UNC13B: variants seen among roughly 807,000 people sequenced by gnomAD.
UNC13B encodes unc-13 homolog B.
A neutral mutation model predicts 211.0 loss-of-function variants in UNC13B; 144 were observed. That is an observed-to-expected ratio of 0.68 (90% CI 0.60 to 0.78). The LOEUF (loss-of-function observed/expected upper bound fraction) is 0.78. Ranked by LOEUF, UNC13B falls within the 30% of genes least tolerant of loss-of-function variation. The pLI is 0.00. For synonymous variants in UNC13B, 709 were observed against 725.8 expected, an observed-to-expected ratio of 0.98 and a Z score of 0.37; for missense variants, 1,777 against 2,002.0, an observed-to-expected ratio of 0.89 and a Z score of 2.14.
intron 11 of UNC13B, chr9:35,351,682 G>T: frequency 1.6e-6 from 2 of 1,232,282 alleles, no homozygotes; most frequent in Non-Finnish European, 2.0e-6. Flanking sequence ...ACAACTCCCT[G>T]CCCCCTTGCT....
chr9:35,200,681 AT>A (rs1343203509), intron 1 of UNC13B, among the ~76,000 whole-genome samples: 1 of 152,096 alleles, frequency 6.6e-6, no homozygotes. Flanking sequence ...TTGCACATTG[AT>A]TTTGTATCCT....
chr9:35,402,085 C>A, intron 37 of UNC13B: 1 of 1,390,452 alleles, frequency 7.2e-7, no homozygotes, highest in Non-Finnish European at 9.9e-7. Flanking sequence ...GCAACTCGTG[C>A]TGGGGGTGGG....
chr9:35,272,249 T>G (rs1377109168), intron 7 of UNC13B, among the ~76,000 whole-genome samples: 17 of 150,532 alleles, frequency 1.1e-4, no homozygotes, highest in Non-Finnish European at 2.2e-4. Flanking sequence ...TTTTTTTTGT[T>G]TTTTTTTGTT....
chr9:35,188,101 C>T (rs957456747), intron 1 of UNC13B, among the ~76,000 whole-genome samples: 1 of 152,206 alleles, frequency 6.6e-6, no homozygotes, highest in Non-Finnish European at 1.5e-5. Flanking sequence ...TTTGCTTTAG[C>T]TTTGTGAGTG....
At chr9:35,278,371 G>A (rs1381471016) in intron 7 of UNC13B, among the ~76,000 whole-genome samples, 1 of 152,144 alleles carries the variant, frequency 6.6e-6, no homozygotes, top group Non-Finnish European at 1.5e-5. Flanking sequence ...TTGCTGTGAT[G>A]GAAGACCTGT....
chr9:35,217,870 C>T (rs890358805), intron 1 of UNC13B, among the ~76,000 whole-genome samples: 5 of 151,956 alleles, frequency 3.3e-5, no homozygotes, highest in African/African-American at 1.2e-4. Context: ...ATAATGAGAC[C>T]TTGTCTCTAT....
intron 7 of UNC13B, among the ~76,000 whole-genome samples, chr9:35,261,528 A>C (rs1470789455): frequency 6.6e-5 from 10 of 152,112 alleles, no homozygotes; most frequent in Admixed American, 2.6e-4. Flanking sequence ...ATACATGAGT[A>C]TTTTGATACG....
At chr9:35,352,189 G>A (rs1190406482) in intron 11 of UNC13B, 3 of 1,232,046 alleles carry the variant, frequency 2.4e-6, no homozygotes, top group South Asian at 4.1e-5. Flanking sequence ...AAGCCATTCT[G>A]TATTTGTACG....
intron 1 of UNC13B, among the ~76,000 whole-genome samples, chr9:35,206,661 G>A (rs920730040): frequency 6.6e-6 from 1 of 152,048 alleles, no homozygotes; most frequent in African/African-American, 2.4e-5. Context: ...GGATCACGAG[G>A]TCAAGAGATC....
chr9:35,343,848 A>G (rs774567524), intron 11 of UNC13B, among the ~76,000 whole-genome samples: 17 of 151,920 alleles, frequency 1.1e-4, no homozygotes, highest in Non-Finnish European at 1.8e-4. Flanking sequence ...AACATAAGAT[A>G]CATACTAGAT....
At chr9:35,209,692 A>G (rs1564069500) in intron 1 of UNC13B, among the ~76,000 whole-genome samples, 1 of 152,236 alleles carries the variant, frequency 6.6e-6, no homozygotes. Context: ...AGGAATCTTG[A>G]GAAAACTTGG....
chr9:35,227,919 C>A, intron 1 of UNC13B, 96 bp from the exon 2 acceptor site: 1 of 1,017,832 alleles, frequency 9.8e-7, no homozygotes, highest in Non-Finnish European at 1.5e-6. Context: ...CAATCTAAAC[C>A]TAGTTCTAAC....
In UNC13B at chr9:35,396,330, G is replaced by A. The variant is rs542311229; in HGVS notation, c.11309-146G>A. On this transcript the variant is annotated intron_variant, in intron 26 of 39. Coordinates refer to ENST00000635942, the MANE Select transcript of UNC13B (RefSeq NM_001371189.2). ...TTGCTGAGCAGAACACTGTTGGGGA[G>A]AGATGGCTGTGAGAAGGAGGTTGGG... 2.2e-5 allele frequency: 21 copies of A among 969,086 alleles called. No homozygotes were observed. The East Asian group carries it at 3.6e-4, about 17-fold the overall frequency. The allele number at this position is 969,086 out of a possible 1,614,324, so 60.0% of individuals were successfully genotyped here.
chr9:35,213,993 C>A (rs1255036577), intron 1 of UNC13B, among the ~76,000 whole-genome samples: 1 of 152,070 alleles, frequency 6.6e-6, no homozygotes, highest in Non-Finnish European at 1.5e-5. Flanking sequence ...AAATAGCCAA[C>A]CAGAGTGTCA....
At position 35,243,359 on chromosome 9, in the gene UNC13B, A is replaced by C; in HGVS notation, c.463A>C (p.Asn155His). The C allele has an allele frequency of 1.2e-6, 2 of 1,613,448 alleles. No individual in the cohort carries two copies. The highest frequency in any genetic ancestry group is 1.7e-6 in the Non-Finnish European group (2 of 1,179,572). ...WEQINALGAD[N>H]EYSSQEESQR... ...GCAAATCAATGCCTTGGGAGCTGAC[A>C]ATGAGGTAGGAGCAGCCTTATTTGC... The change falls in exon 6 of 40, where the codon AAT becomes CAT. Residue 155 changes from asparagine to histidine, a missense_variant. Asn to His is a moderately conservative substitution (Grantham distance 68, BLOSUM62 1). Transcript: ENST00000635942.
chr9:35,179,282 G>A (rs758112534), intron 1 of UNC13B, among the ~76,000 whole-genome samples: 6 of 152,084 alleles, frequency 3.9e-5, no homozygotes, highest in South Asian at 2.1e-4. Flanking sequence ...GGATATATTC[G>A]TGGACAGCAT....
At chr9:35,181,469 A>G (rs990065831) in intron 1 of UNC13B, among the ~76,000 whole-genome samples, 5 of 152,214 alleles carry the variant, frequency 3.3e-5, no homozygotes, top group Non-Finnish European at 7.3e-5. Context: ...AAATGGAGAT[A>G]ATATTAGTAC....
chr9:35,349,633 A>G (rs1416341792), intron 11 of UNC13B, among the ~76,000 whole-genome samples: 2 of 152,198 alleles, frequency 1.3e-5, no homozygotes, highest in Non-Finnish European at 2.9e-5. Flanking sequence ...AGAATTCCTC[A>G]ATGAATTAGA....
At chr9:35,262,053 T>G (rs1459748163) in intron 7 of UNC13B, among the ~76,000 whole-genome samples, 1 of 152,228 alleles carries the variant, frequency 6.6e-6, no homozygotes. Flanking sequence ...TGCTTTCAAA[T>G]CTTGCCTATT....
Sources: allele counts gnomAD v4.1 joint callset (sites outside exome capture counted in the v4.1 genomes callset), GRCh38; gene constraint gnomAD v4.1.1; transcripts MANE v1.5; gene names NCBI Gene and HGNC (gene_info 2026-07-23, HGNC 2026-07-21).